Variants in SLC26A5 observed in about 807,000 individuals in gnomAD.
SLC26A5 encodes the protein prestin.
A neutral mutation model predicts 81.0 loss-of-function variants in SLC26A5; 51 were observed. The observed-to-expected ratio is 0.63, with a 90% confidence interval of 0.50 to 0.80. SLC26A5 has a LOEUF of 0.80. Among genes scored for constraint, SLC26A5 ranks in the 30% least tolerant of loss-of-function variants. SLC26A5 has a pLI of 0.00. For missense variants in SLC26A5, 771 were observed against 905.8 expected, an observed-to-expected ratio of 0.85 and a Z score of 1.91; for synonymous variants, 325 against 332.8, an observed-to-expected ratio of 0.98 and a Z score of 0.25.
chr7:103,405,929 G>C (rs1305322054), intron 8 of SLC26A5, among the ~76,000 whole-genome samples: 5 of 152,186 alleles, frequency 3.3e-5, no homozygotes, highest in Admixed American at 3.3e-4. Context: ...TTGCTGAGCT[G>C]CGGTGGAATC....
At chr7:103,354,365 ATTTTTTTTTTTT>A (rs752847513) in intron 19 of SLC26A5, among the ~76,000 whole-genome samples, 1 of 134,538 alleles carries the variant, frequency 7.4e-6, no homozygotes, top group African/African-American at 2.8e-5. Flanking sequence ...TTCACACACG[ATTTTTTTTTTTT>A]TTTTTTTTGA....
intron 2 of SLC26A5, among the ~76,000 whole-genome samples, chr7:103,432,920 G>T (rs7792249): frequency 0.05 from 7,639 of 152,114 alleles, 274 homozygotes; most frequent in Non-Finnish European, 0.071. Flanking sequence ...ATGGTTTGAG[G>T]CTTCTGAACC....
chr7:103,438,769 T>C (rs984512171), intron 2 of SLC26A5, among the ~76,000 whole-genome samples: 16 of 152,200 alleles, frequency 1.1e-4, no homozygotes, highest in Admixed American at 3.3e-4. Flanking sequence ...AAATTTCCCT[T>C]CTGTCCCTAC....
chr7:103,362,190 A>C lies in SLC26A5; in HGVS notation c.2042-9264T>G, dbSNP rs944934394. ...TGAATAAATGGACTGAGTTCCTTGG[A>C]ATACCAAAGGATGATCTAGTAATGT... On this transcript the variant is annotated intron_variant, in intron 19 of 19. Coordinates refer to the SLC26A5 transcript ENST00000339444. The C allele has an allele frequency of 1.9e-6, 3 of 1,552,348 alleles. No individual in the cohort carries two copies. The African/African-American group carries it at 4.2e-5, about 22-fold the overall frequency.
At chr7:103,374,625 C>T (rs770742011) in intron 19 of SLC26A5, 33 bp from the exon 20 acceptor site, 6 of 1,599,188 alleles carry the variant, frequency 3.8e-6, no homozygotes, top group Non-Finnish European at 4.3e-6. Context: ...TTAGTCCACA[C>T]TCTGGATATC....
intron 7 of SLC26A5, 140 bp from the exon 8 acceptor site, chr7:103,408,143 T>C: frequency 8.9e-7 from 1 of 1,117,578 alleles, no homozygotes; most frequent in East Asian, 2.5e-5. Context: ...AAATCTCTCT[T>C]TGTAGCTTCT....
intron 3 of SLC26A5, 111 bp downstream of exon 3, chr7:103,421,252 A>T: frequency 1.7e-6 from 2 of 1,204,512 alleles, no homozygotes; most frequent in Non-Finnish European, 2.4e-6. Flanking sequence ...ATGATGGCTC[A>T]GCATTCATTT....
intron 10 of SLC26A5, among the ~76,000 whole-genome samples, chr7:103,392,492 T>C (rs1256238855): frequency 6.6e-6 from 1 of 152,232 alleles, no homozygotes; most frequent in Non-Finnish European, 1.5e-5. Context: ...AATAAGTACA[T>C]GCTTCAGATA....
At chr7:103,353,831 A>G in intron 19 of SLC26A5, 1 of 1,103,922 alleles carries the variant, frequency 9.1e-7, no homozygotes, top group East Asian at 2.5e-5. Flanking sequence ...AAACAATTTG[A>G]ATCGAACAGA....
intron 14 of SLC26A5, among the ~76,000 whole-genome samples, chr7:103,386,754 T>C (rs959496785): frequency 1.3e-5 from 2 of 152,172 alleles, no homozygotes; most frequent in African/African-American, 4.8e-5. Flanking sequence ...TTAAAAGTTA[T>C]AGATTTTTTT....
chr7:103,389,137 G>A (rs1822438597), intron 13 of SLC26A5, 23 bp from the exon 14 acceptor site: 1 of 1,545,006 alleles, frequency 6.5e-7, no homozygotes, highest in East Asian at 2.2e-5. Flanking sequence ...CAGAAAACTT[G>A]ATGGAGAACC....
chr7:103,394,458 G>A (rs1324568049), intron 9 of SLC26A5, among the ~76,000 whole-genome samples: 1 of 152,214 alleles, frequency 6.6e-6, no homozygotes, highest in Admixed American at 6.5e-5. Context: ...CCTAGCAGCA[G>A]GTTTGGGCCT....
In SLC26A5 at chr7:103,421,480, G is replaced by C; in HGVS notation, c.35C>G (p.Ala12Gly). 1 of 1,613,978 alleles carries C rather than the reference G, an allele frequency of 6.2e-7. No homozygotes were observed. Among genetic ancestry groups the C allele is most frequent in the South Asian group, 1.1e-5 (1 of 91,082 alleles). The change falls in exon 3 of 20, where the codon GCA (alanine) becomes GGA (glycine). Residue 12 changes from alanine (A) to glycine (G), a missense_variant. Transcript: ENST00000306312. ...DHAEENEILA[A>G]TQRYYVERPI... ...CCTTTCCACATAGTACCTCTGGGTTGCTGCAAGGATTTCATTTTCTTCAGC... is the reference window on the plus strand; with the variant it reads ...CCTTTCCACATAGTACCTCTGGGTTCCTGCAAGGATTTCATTTTCTTCAGC...
Position 103,437,635 on chromosome 7 carries a change from T to C in SLC26A5, c.-54+5448A>G, listed in dbSNP as rs189784569. Among the ~76,000 whole-genome samples the C allele has an allele frequency of 6.6e-5, 10 of 152,250 alleles. No homozygotes were observed. The East Asian group carries it at 1.2e-3, about 18-fold the overall frequency. On this transcript the variant is annotated intron_variant, in intron 2 of 19. Transcript: ENST00000306312. Reference sequence around the variant, plus strand: ...AAAGAAATCATGTTATTTGTGATAATATGGATGAATCTGGAGGATATGATG... The same window carrying C: ...AAAGAAATCATGTTATTTGTGATAACATGGATGAATCTGGAGGATATGATG...
intron 8 of SLC26A5, among the ~76,000 whole-genome samples, chr7:103,400,542 CT>C (rs1823505451): frequency 6.6e-6 from 1 of 152,174 alleles, no homozygotes; most frequent in Non-Finnish European, 1.5e-5. Context: ...ACGGTAGTTT[CT>C]TTTGCTGTGC....
chr7:103,364,107 G>A lies in SLC26A5; in HGVS notation c.2042-11181C>T, dbSNP rs1222371002. On this transcript the variant is annotated intron_variant, in intron 19 of 19. Coordinates refer to the SLC26A5 transcript ENST00000339444. The stretch of plus-strand genomic sequence containing the variant: ...GAAGTAGTCTGATTTTTGTTATACA[G>A]AAGTGGTAAGTGTGAAAATTGTGTC... 5.0e-6 allele frequency: 8 copies of A among 1,597,958 alleles called. No individual in the cohort carries two copies. In the South Asian group the frequency reaches 9.0e-5, roughly 18 times the overall value.
intron 14 of SLC26A5, among the ~76,000 whole-genome samples, chr7:103,384,422 C>A (rs532530100): frequency 1.3e-5 from 2 of 152,080 alleles, no homozygotes; most frequent in South Asian, 2.1e-4. Flanking sequence ...ACCAGCCTGG[C>A]CAAGATGGTG....
intron 19 of SLC26A5, among the ~76,000 whole-genome samples, chr7:103,359,384 A>C (rs905215760): frequency 1.3e-5 from 2 of 151,958 alleles, no homozygotes; most frequent in African/African-American, 4.8e-5. Flanking sequence ...CAATTTAGTG[A>C]TTTTTAGAAT....
At chr7:103,385,427 T>A (rs181849066) in intron 14 of SLC26A5, among the ~76,000 whole-genome samples, 8 of 152,128 alleles carry the variant, frequency 5.3e-5, no homozygotes, top group African/African-American at 1.2e-4. Context: ...CGGGCCATGA[T>A]TGTCTCTTAA....
Sources: allele counts gnomAD v4.1 joint callset (sites outside exome capture counted in the v4.1 genomes callset), GRCh38; gene constraint gnomAD v4.1.1; transcripts MANE v1.5; gene names NCBI Gene and HGNC (gene_info 2026-07-23, HGNC 2026-07-21).